ADAMTS6: variants seen among roughly 807,000 people sequenced by gnomAD.
ADAMTS6 encodes A disintegrin and metalloproteinase with thrombospondin motifs 6.
ADAMTS6 carries 23 observed loss-of-function variants against 144.3 expected under a neutral mutation model. The observed-to-expected ratio is 0.16, with a 90% CI of 0.11 to 0.23. The LOEUF is 0.23. Ranked by LOEUF, ADAMTS6 falls within the 10% of genes least tolerant of loss-of-function variation. The pLI is 1.00. For synonymous variants in ADAMTS6, 444 were observed against 457.5 expected, an observed-to-expected ratio of 0.97 and a Z score of 0.38; for missense variants, 999 against 1,379.6, an observed-to-expected ratio of 0.72 and a Z score of 4.37.
intron 9 of ADAMTS6, among the ~76,000 whole-genome samples, chr5:65,313,864 A>C (rs1327502313): frequency 6.6e-6 from 1 of 152,078 alleles, no homozygotes; most frequent in Non-Finnish European, 1.5e-5. Context: ...TACAACGCAA[A>C]CATGCATCAT....
chr5:65,416,749 A>T (rs1284541405), intron 7 of ADAMTS6, among the ~76,000 whole-genome samples: 12 of 24,234 alleles, frequency 5.0e-4, no homozygotes, highest in African/African-American at 2.2e-3. Flanking sequence ...GACTCCATTT[A>T]AAAAAAAAAA....
In ADAMTS6 at chr5:65,226,083, A is replaced by AAG; in HGVS notation, c.2067+2_2067+3insCT. 3 of 1,602,220 alleles carry AAG rather than the reference A, an allele frequency of 1.9e-6. No homozygotes were observed. The highest frequency in any genetic ancestry group is 2.6e-6 in the Non-Finnish European group (3 of 1,173,250). The stretch of plus-strand genomic sequence containing the variant: ...CAACAGAAAGGAGTAAAATCTGAGC[A>AAG]ACCTTGCATTCTCCATTGATGCAGA... On this transcript the variant is annotated splice_region_variant and intron_variant, in intron 16 of 24. Transcript: ENST00000381055.
intron 7 of ADAMTS6, among the ~76,000 whole-genome samples, chr5:65,445,484 C>T (rs1240783324): frequency 6.6e-5 from 10 of 152,220 alleles, no homozygotes; most frequent in East Asian, 5.8e-4. Flanking sequence ...ATTACAAGCG[C>T]GTGCCACCAC....
At chr5:65,221,039 AACT>A (rs574773729) in intron 18 of ADAMTS6, among the ~76,000 whole-genome samples, 120 of 152,330 alleles carry the variant, frequency 7.9e-4, no homozygotes, top group Non-Finnish European at 1.5e-3. Flanking sequence ...CCACAAAGAC[AACT>A]CCATTCTAGA....
At position 65,423,353 on chromosome 5, in the gene ADAMTS6, CTAAG is replaced by C. The variant is rs1756234323; in HGVS notation, c.1073+28118_1073+28121del. ...GTATATATAAATTTTAAAAATTCCT[CTAAG>C]TAAGTATCAAATAAATTGAGTGACT... On this transcript the variant is annotated intron_variant, in intron 7 of 24. Coordinates refer to ENST00000381055, the MANE Select transcript of ADAMTS6 (RefSeq NM_197941.4). Among the ~76,000 whole-genome samples the C allele has an allele frequency of 3.3e-5, 5 of 152,216 alleles. No individual in the cohort carries two copies. In the South Asian group the frequency reaches 1.0e-3, roughly 32 times the overall value.
Position 65,179,922 on chromosome 5 carries a change from T to C in ADAMTS6, c.2911-6914A>G, listed in dbSNP as rs56724345. Among the ~76,000 whole-genome samples the C allele has an allele frequency of 2.5e-3, 365 of 148,854 alleles. 1 individual carries two copies. The highest frequency in any genetic ancestry group is 8.9e-3 in the African/African-American group (356 of 39,840). On this transcript the variant is annotated intron_variant, in intron 22 of 24. Coordinates refer to ENST00000381055, the MANE Select transcript of ADAMTS6 (RefSeq NM_197941.4). ...CTCCATTTGTTTCATCTTTGCATGCTTGTGTGCATGCAAACACACACATGT... is the reference window on the plus strand; with the variant it reads ...CTCCATTTGTTTCATCTTTGCATGCCTGTGTGCATGCAAACACACACATGT...
intron 3 of ADAMTS6, among the ~76,000 whole-genome samples, chr5:65,465,592 C>G (rs548625047): frequency 5.3e-5 from 8 of 152,284 alleles, no homozygotes; most frequent in Middle Eastern, 3.4e-3. Context: ...CATTTTAAAC[C>G]TACTCCAATC....
chr5:65,378,138 G>A (rs982317845), intron 7 of ADAMTS6, among the ~76,000 whole-genome samples: 2 of 152,096 alleles, frequency 1.3e-5, no homozygotes, highest in African/African-American at 4.8e-5. Flanking sequence ...TGAGGGATTG[G>A]GAGTTAGGAC....
At chr5:65,387,336 T>C (rs1474707923) in intron 7 of ADAMTS6, among the ~76,000 whole-genome samples, 1 of 152,238 alleles carries the variant, frequency 6.6e-6, no homozygotes, top group Admixed American at 6.5e-5. Flanking sequence ...TATTCCTTTA[T>C]TCTTCAATCA....
At chr5:65,477,088 A>G (rs556220005) in intron 1 of ADAMTS6, among the ~76,000 whole-genome samples, 1 of 152,366 alleles carries the variant, frequency 6.6e-6, no homozygotes, top group Admixed American at 6.5e-5. Context: ...AATAACGGCA[A>G]TAAGAAGAAT....
chr5:65,225,517 A>G (rs529958997), intron 16 of ADAMTS6, among the ~76,000 whole-genome samples: 2 of 152,190 alleles, frequency 1.3e-5, no homozygotes, highest in Non-Finnish European at 2.9e-5. Flanking sequence ...TGTTACAATC[A>G]TACACAGGTC....
At chr5:65,315,066 T>C (rs1744859287) in intron 9 of ADAMTS6, among the ~76,000 whole-genome samples, 1 of 152,096 alleles carries the variant, frequency 6.6e-6, no homozygotes, top group Non-Finnish European at 1.5e-5. Flanking sequence ...TTCTTATTCT[T>C]AATTGATATA....
intron 7 of ADAMTS6, among the ~76,000 whole-genome samples, chr5:65,427,733 G>A (rs1236333317): frequency 5.3e-5 from 8 of 150,712 alleles, no homozygotes; most frequent in East Asian, 2.0e-4. Flanking sequence ...AGGAGGTGGC[G>A]CTTGCAGTGA....
Position 65,215,312 on chromosome 5 carries a change from A to C in ADAMTS6, c.2436+12T>G, listed in dbSNP as rs559674672. 4 of 1,611,486 alleles carry C rather than the reference A, an allele frequency of 2.5e-6. No individual in the cohort carries two copies. Among genetic ancestry groups the C allele is most frequent in the Non-Finnish European group, 3.4e-6 (4 of 1,179,084 alleles). On this transcript the variant is annotated intron_variant, in intron 19 of 24. Coordinates refer to ENST00000381055, the MANE Select transcript of ADAMTS6 (RefSeq NM_197941.4). ...AAAAACAGAAGAAATACAATGGCAAAGACGCATTTACCATGACGATGAGAT... is the reference window on the plus strand; with the variant it reads ...AAAAACAGAAGAAATACAATGGCAACGACGCATTTACCATGACGATGAGAT...
chr5:65,164,269 T>C (rs13153005), intron 24 of ADAMTS6, among the ~76,000 whole-genome samples: 101,537 of 150,922 alleles, frequency 0.67, 34,536 homozygotes, highest in Middle Eastern at 0.75. Flanking sequence ...AAAGGGGTGA[T>C]GGACGCAGCT....
intron 2 of ADAMTS6, among the ~76,000 whole-genome samples, chr5:65,471,424 A>G (rs1232257092): frequency 1.3e-5 from 2 of 152,204 alleles, no homozygotes; most frequent in African/African-American, 4.8e-5. Context: ...TCTACAAGAA[A>G]TATTAAAATT....
chr5:65,161,056 T>A (rs1007228872), intron 24 of ADAMTS6, among the ~76,000 whole-genome samples: 1 of 151,872 alleles, frequency 6.6e-6, no homozygotes, highest in African/African-American at 2.4e-5. Context: ...TTATTTATTT[T>A]GAGACAGAGT....
intron 22 of ADAMTS6, among the ~76,000 whole-genome samples, chr5:65,176,981 C>T (rs1458114653): frequency 6.6e-6 from 1 of 152,170 alleles, no homozygotes; most frequent in African/African-American, 2.4e-5. Context: ...GTTTATCTTC[C>T]ACTTTCCTTT....
intron 3 of ADAMTS6, among the ~76,000 whole-genome samples, chr5:65,466,244 A>C (rs1296184629): frequency 6.6e-6 from 1 of 151,794 alleles, no homozygotes; most frequent in Non-Finnish European, 1.5e-5. Flanking sequence ...TTCCTTTCTG[A>C]CCTCAACTTC....
Sources: allele counts gnomAD v4.1 joint callset (sites outside exome capture counted in the v4.1 genomes callset), GRCh38; gene constraint gnomAD v4.1.1; transcripts MANE v1.5; gene names NCBI Gene and HGNC (gene_info 2026-07-23, HGNC 2026-07-21).